PDXDC1: variants seen among roughly 807,000 people sequenced by gnomAD.
The protein encoded by PDXDC1 is pyridoxal-dependent decarboxylase domain-containing protein 1.
In PDXDC1, 42 loss-of-function variants were observed where a neutral mutation model predicts 100.1. That is an observed-to-expected ratio of 0.42 (90% CI 0.33 to 0.54). The LOEUF is 0.54. Ranked by LOEUF, PDXDC1 falls within the 20% of genes least tolerant of loss-of-function variation. The pLI is 0.10. For missense variants in PDXDC1, 636 were observed against 979.2 expected (o/e 0.65, Z 4.68); for synonymous variants, 260 against 371.7 (o/e 0.70, Z 3.46).
intron 16 of PDXDC1, among the ~76,000 whole-genome samples, chr16:15,089,901 A>G (rs867587643): frequency 2.6e-5 from 4 of 151,064 alleles, no homozygotes; most frequent in Middle Eastern, 3.2e-3. Context: ...CAAGGAATAC[A>G]AGGCTTAAAA....
intron 16 of PDXDC1, chr16:15,062,016 T>C: frequency 9.0e-7 from 1 of 1,114,066 alleles, no homozygotes; most frequent in Non-Finnish European, 1.3e-6. Flanking sequence ...GAAGAAAATA[T>C]CTTAATTTCA....
At chr16:14,989,346 C>T in intron 1 of PDXDC1, 2 of 1,612,492 alleles carry the variant, frequency 1.2e-6, no homozygotes, top group Non-Finnish European at 8.5e-7. Flanking sequence ...CACTTGGAGG[C>T]GGTTCACCAG....
intron 16 of PDXDC1, among the ~76,000 whole-genome samples, chr16:15,063,719 A>AG (rs2044825444): frequency 6.6e-6 from 1 of 151,108 alleles, no homozygotes; most frequent in Non-Finnish European, 1.5e-5. Context: ...AAAAAAAAAA[A>AG]AAAGAAAAAA....
In PDXDC1 at chr16:15,111,945, C is replaced by A. The variant is rs527805651; in HGVS notation, c.1400-26934C>A. 8.2e-3 allele frequency among the ~76,000 whole-genome samples: 1,210 copies of A among 148,108 alleles called. 65 individuals carry two copies. Among genetic ancestry groups the A allele is most frequent in the Non-Finnish European group, 0.01 (689 of 66,198 alleles). ...GTTCTAGAATTTGTAACATTTCACCCCCTGCTCCTTCCTGATCTGCACTGG... is the reference window on the plus strand; with the variant it reads ...GTTCTAGAATTTGTAACATTTCACCACCTGCTCCTTCCTGATCTGCACTGG... On this transcript the variant is annotated intron_variant, in intron 16 of 16. Coordinates refer to the PDXDC1 transcript ENST00000535621.
At chr16:15,077,657 C>G (rs569345092) in intron 16 of PDXDC1, among the ~76,000 whole-genome samples, 1 of 152,126 alleles carries the variant, frequency 6.6e-6, no homozygotes, top group African/African-American at 2.4e-5. Flanking sequence ...CTGGCTAACA[C>G]GGTGAAACCC....
chr16:15,130,911 C>G (rs1598240341), intron 16 of PDXDC1: 1 of 711,476 alleles, frequency 1.4e-6, no homozygotes, highest in South Asian at 1.6e-5. Flanking sequence ...GGAGCCTCTG[C>G]ACCAGAGCTG....
At chr16:15,085,546 G>C in intron 16 of PDXDC1, 1 of 1,555,688 alleles carries the variant, frequency 6.4e-7, no homozygotes, top group Non-Finnish European at 8.7e-7. Flanking sequence ...TCAAACTCTT[G>C]GCCTCAAGTG....
intron 16 of PDXDC1, among the ~76,000 whole-genome samples, chr16:15,078,420 T>A (rs900584055): frequency 6.6e-5 from 10 of 151,916 alleles, no homozygotes; most frequent in African/African-American, 2.4e-4. Flanking sequence ...CAATTCTGCT[T>A]CCCCACCATC....
At chr16:15,152,055 G>A in the PDXDC1 span, among the ~76,000 whole-genome samples, 5 of 149,400 alleles carry the variant, frequency 3.3e-5, no homozygotes, top group African/African-American at 7.3e-5. Flanking sequence ...TCTCCCCACG[G>A]AGCTTCGAGC....
At chr16:15,010,256 C>G (rs1406026960) in intron 8 of PDXDC1, 1 of 158,736 alleles carries the variant, frequency 6.3e-6, no homozygotes, top group Non-Finnish European at 1.4e-5. Context: ...CTATGTTGGC[C>G]AGGCTGGTCT....
intron 16 of PDXDC1, among the ~76,000 whole-genome samples, chr16:15,031,386 G>C (rs994819484): frequency 8.2e-4 from 125 of 152,138 alleles, no homozygotes; most frequent in Non-Finnish European, 5.9e-4. Context: ...TCAGTCATAG[G>C]AATGTACAGA....
chr16:14,975,521 A>G (rs1340132258), intron 1 of PDXDC1: 2 of 985,374 alleles, frequency 2.0e-6, no homozygotes, highest in African/African-American at 3.5e-5. Context: ...AGGTTCCGCG[A>G]GTGGCCGGCC....
At chr16:15,144,297 C>G (rs1202491505), downstream of PDXDC1, among the ~76,000 whole-genome samples, 1 of 152,236 alleles carries the variant, frequency 6.6e-6, no homozygotes, top group Non-Finnish European at 1.5e-5. Context: ...GCGCTGTGCT[C>G]CTTTCTATTT....
chr16:15,143,739 T>C (rs2048510288), downstream of PDXDC1, among the ~76,000 whole-genome samples: 2 of 152,150 alleles, frequency 1.3e-5, no homozygotes, highest in Non-Finnish European at 2.9e-5. Context: ...CCCGGGGCCC[T>C]CCCAATCCAC....
At chr16:15,011,414 G>A (rs2041251430) in intron 8 of PDXDC1, among the ~76,000 whole-genome samples, 1 of 152,276 alleles carries the variant, frequency 6.6e-6, no homozygotes, top group Non-Finnish European at 1.5e-5. Context: ...AACTATAAAT[G>A]GTTCATCAAC....
intron 16 of PDXDC1, chr16:15,104,182 AAC>A: frequency 2.4e-6 from 2 of 848,570 alleles, no homozygotes; most frequent in South Asian, 2.2e-5. Context: ...CAAAAAAAAA[AAC>A]AAATAATAAT....
chr16:14,988,257 A>G, intron 1 of PDXDC1: 1 of 1,613,708 alleles, frequency 6.2e-7, no homozygotes, highest in South Asian at 1.1e-5. Context: ...CTGTTAGTTC[A>G]CTCAGACACT....
intron 1 of PDXDC1, among the ~76,000 whole-genome samples, chr16:14,995,502 T>C (rs1203546049): frequency 6.6e-6 from 1 of 152,302 alleles, no homozygotes; most frequent in Non-Finnish European, 1.5e-5. Flanking sequence ...CACTTGATCA[T>C]GCTGGATAAG....
chr16:14,976,959 T>C (rs1194396952), intron 1 of PDXDC1: 1 of 152,290 alleles, frequency 6.6e-6, no homozygotes, highest in Non-Finnish European at 1.5e-5. Context: ...GGGTGATCTT[T>C]CCTCCAGGAA....
Sources: allele counts gnomAD v4.1 joint callset (sites outside exome capture counted in the v4.1 genomes callset), GRCh38; gene constraint gnomAD v4.1.1; transcripts MANE v1.5; gene names NCBI Gene and HGNC (gene_info 2026-07-23, HGNC 2026-07-21).